Variants in FSTL5 observed in about 807,000 individuals in gnomAD.
FSTL5 encodes follistatin like 5, also known as follistatin-related protein 5.
In FSTL5, 62 loss-of-function variants were observed where a neutral mutation model predicts 89.1. That is an observed-to-expected ratio of 0.70 (90% CI 0.57 to 0.86). The LOEUF (loss-of-function observed/expected upper bound fraction) is 0.86. Ranked by LOEUF, FSTL5 falls within the 40% of genes least tolerant of loss-of-function variation. The pLI is 0.00. For missense variants in FSTL5, 1,057 were observed against 1,001.6 expected (o/e 1.06, Z -0.75); for synonymous variants, 383 against 346.2 (o/e 1.11, Z -1.18).
intron 15 of FSTL5, among the ~76,000 whole-genome samples, chr4:161,445,043 T>C (rs1482906089): frequency 6.6e-6 from 1 of 151,936 alleles, no homozygotes; most frequent in Non-Finnish European, 1.5e-5. Context: ...TAGCAATAAG[T>C]ACAAAATCTA....
chr4:161,587,084 C>T (rs921480639), intron 8 of FSTL5, among the ~76,000 whole-genome samples: 4 of 151,984 alleles, frequency 2.6e-5, no homozygotes, highest in African/African-American at 9.7e-5. Context: ...ACATGAATAA[C>T]AGTAGTCTAT....
chr4:162,002,496 GATTATATAT>G (rs1042411979), intron 3 of FSTL5, among the ~76,000 whole-genome samples: 4 of 152,126 alleles, frequency 2.6e-5, no homozygotes, highest in African/African-American at 9.7e-5. Flanking sequence ...TTAATTGTGG[GATTATATAT>G]ATCTTGTTGG....
At chr4:161,962,992 C>T (rs1238692135) in intron 3 of FSTL5, among the ~76,000 whole-genome samples, 1 of 151,990 alleles carries the variant, frequency 6.6e-6, no homozygotes, top group South Asian at 2.1e-4. Flanking sequence ...TCAGAACTAA[C>T]TTTGAATTCC....
intron 9 of FSTL5, among the ~76,000 whole-genome samples, chr4:161,540,450 A>G (rs1302623380): frequency 1.3e-5 from 2 of 152,294 alleles, no homozygotes; most frequent in Admixed American, 6.5e-5. Flanking sequence ...ATCGTGAGGT[A>G]AATAGAAGTG....
rs1462222305 is a variant in FSTL5, at chr4:161,809,094, C to CT, written c.410-33021dup. Among the ~76,000 whole-genome samples the CT allele has an allele frequency of 5.3e-5, 8 of 152,228 alleles. No homozygotes were observed. The East Asian group carries it at 1.5e-3, about 29-fold the overall frequency. On this transcript the variant is annotated intron_variant, in intron 4 of 15. Coordinates refer to ENST00000306100, the MANE Select transcript of FSTL5 (RefSeq NM_020116.5). ...ATTAGCCAGGCTTGGTGGCGGCTGC[C>CT]TGTAGTCCCAGCTACTCAGGAGGCT...
At chr4:162,050,738 G>A (rs1347114394) in intron 2 of FSTL5, among the ~76,000 whole-genome samples, 1 of 151,294 alleles carries the variant, frequency 6.6e-6, no homozygotes, top group Non-Finnish European at 1.5e-5. Flanking sequence ...GGAAAGACAT[G>A]TTTGGGGTTG....
intron 4 of FSTL5, among the ~76,000 whole-genome samples, chr4:161,861,268 C>CA (rs1211850708): frequency 6.6e-6 from 1 of 152,034 alleles, no homozygotes; most frequent in Non-Finnish European, 1.5e-5. Flanking sequence ...ACTAAAAATA[C>CA]AAAAAATAGC....
At chr4:161,689,570 A>G (rs1475471828) in intron 6 of FSTL5, among the ~76,000 whole-genome samples, 1 of 152,140 alleles carries the variant, frequency 6.6e-6, no homozygotes, top group Non-Finnish European at 1.5e-5. Context: ...TGGCTATTAG[A>G]AAATCAAAAA....
intron 10 of FSTL5, among the ~76,000 whole-genome samples, chr4:161,523,734 A>G (rs979463935): frequency 2.0e-5 from 3 of 152,156 alleles, no homozygotes; most frequent in African/African-American, 7.2e-5. Flanking sequence ...CTACAAGACA[A>G]TTTGTCTTAT....
chr4:161,982,616 C>G (rs1397442623), intron 3 of FSTL5, among the ~76,000 whole-genome samples: 1 of 152,102 alleles, frequency 6.6e-6, no homozygotes, highest in African/African-American at 2.4e-5. Context: ...TAAAAGAATT[C>G]CTCTCTTATG....
intron 4 of FSTL5, among the ~76,000 whole-genome samples, chr4:161,884,174 T>A (rs1163427370): frequency 6.6e-6 from 1 of 152,008 alleles, no homozygotes; most frequent in East Asian, 1.9e-4. Flanking sequence ...CTCAGCCTCC[T>A]GAGTAGCTGG....
chr4:161,559,739 G>T (rs1180391191), intron 8 of FSTL5, among the ~76,000 whole-genome samples: 1 of 151,860 alleles, frequency 6.6e-6, no homozygotes, highest in Non-Finnish European at 1.5e-5. Context: ...TGTAAAATGT[G>T]TTCATGCCTT....
intron 2 of FSTL5, among the ~76,000 whole-genome samples, chr4:162,103,361 T>C (rs1453393121): frequency 6.6e-6 from 1 of 152,218 alleles, no homozygotes; most frequent in African/African-American, 2.4e-5. Context: ...TACCTGGTTT[T>C]CAGATTAACT....
intron 6 of FSTL5, among the ~76,000 whole-genome samples, chr4:161,713,370 T>C (rs2126742169): frequency 6.6e-6 from 1 of 152,306 alleles, no homozygotes; most frequent in South Asian, 2.1e-4. Context: ...CAGCTGTAAG[T>C]TACCAGGAGT....
chr4:161,676,431 C>T lies in FSTL5; in HGVS notation c.728-19937G>A, dbSNP rs1737301265. ...GAAAATCAAACACCGCATGTTCTCA[C>T]TCATAAGTGGGAGTTGAACAATGAG... On this transcript the variant is annotated intron_variant, in intron 6 of 15. Transcript: ENST00000306100. Among the ~76,000 whole-genome samples the T allele has an allele frequency of 2.6e-5, 4 of 152,090 alleles. No individual in the cohort carries two copies. In the South Asian group the frequency reaches 8.3e-4, roughly 32 times the overall value.
chr4:162,157,784 G>A (rs1733539280), intron 1 of FSTL5, among the ~76,000 whole-genome samples: 1 of 151,948 alleles, frequency 6.6e-6, no homozygotes, highest in Admixed American at 6.6e-5. Context: ...GATTCAGTAG[G>A]GAGTCTGATG....
chr4:162,119,569 T>C (rs1731777525), intron 1 of FSTL5, among the ~76,000 whole-genome samples: 1 of 152,252 alleles, frequency 6.6e-6, no homozygotes. Flanking sequence ...ATTTATGGGG[T>C]ACATTTTTAA....
chr4:162,087,685 T>C (rs1469837043), intron 2 of FSTL5, among the ~76,000 whole-genome samples: 1 of 152,150 alleles, frequency 6.6e-6, no homozygotes, highest in Non-Finnish European at 1.5e-5. Context: ...TAGATCGTTG[T>C]TGACATATTC....
At chr4:161,687,245 T>C (rs1458797117) in intron 6 of FSTL5, among the ~76,000 whole-genome samples, 1 of 152,206 alleles carries the variant, frequency 6.6e-6, no homozygotes, top group Non-Finnish European at 1.5e-5. Flanking sequence ...TTGTCATTCA[T>C]TTATACTATA....
Sources: gnomAD v4.1 joint callset for allele counts (sites outside exome capture counted in the v4.1 genomes callset) on GRCh38, gnomAD v4.1.1 for gene constraint, MANE v1.5 for transcripts, NCBI Gene and HGNC (gene_info 2026-07-23, HGNC 2026-07-21) for gene names.